The following CLOCK variants were observed in gnomAD, a reference collection of about 807,000 sequenced individuals.
CLOCK encodes the protein clock circadian regulator, also known as circadian locomoter output cycles protein kaput.
Under a neutral mutation model 118.4 loss-of-function variants are expected in CLOCK, and 43 were observed. The observed-to-expected ratio is 0.36, with a 90% CI of 0.28 to 0.47. The LOEUF (loss-of-function observed/expected upper bound fraction) is 0.47, where lower values mean the gene tolerates loss of function less well. CLOCK is among the 20% of genes least tolerant of loss of function. The probability of loss-of-function intolerance (pLI) is 1.00; values close to 1 mark genes in which losing one functional copy is unlikely to be tolerated. For missense variants in CLOCK, 846 were observed against 999.9 expected, an observed-to-expected ratio of 0.85 and a Z score of 2.08; for synonymous variants, 326 against 339.2, an observed-to-expected ratio of 0.96 and a Z score of 0.43.
chr4:55,471,390 CA>C (rs938372367), intron 7 of CLOCK, among the ~76,000 whole-genome samples: 2 of 152,002 alleles, frequency 1.3e-5, no homozygotes, highest in Admixed American at 1.3e-4. Context: ...GATTTTAGGG[CA>C]GGGGGCTGTG....
intron 1 of CLOCK, among the ~76,000 whole-genome samples, chr4:55,538,988 T>C (rs527429294): frequency 2.0e-5 from 3 of 152,176 alleles, no homozygotes; most frequent in Non-Finnish European, 4.4e-5. Flanking sequence ...TCCTAGCACT[T>C]TGGGAGGCCA....
Position 55,430,961 on chromosome 4 carries a change from A to AC in CLOCK, c.*4453dup, listed in dbSNP as rs1328600886. 1 of 152,160 alleles carries AC rather than the reference A, an allele frequency of 6.6e-6. No homozygotes were observed. Among genetic ancestry groups the AC allele is most frequent in the African/African-American group, 2.4e-5 (1 of 41,422 alleles). 9.4% of individuals were successfully genotyped at this position (152,160 alleles called of 1,614,324 possible). On this transcript the variant is annotated 3_prime_UTR_variant, in exon 23 of 23. Coordinates refer to ENST00000513440, the MANE Select transcript of CLOCK (RefSeq NM_004898.4). ...GGCTATCTTGAAATCACTCCCATAA[A>AC]CCAACTACGGTTCACTGGACCTAAA...
intron 1 of CLOCK, among the ~76,000 whole-genome samples, chr4:55,518,748 AT>A (rs1729674552): frequency 6.6e-6 from 1 of 152,184 alleles, no homozygotes; most frequent in Non-Finnish European, 1.5e-5. Context: ...TAGCACCTTG[AT>A]TTTGGACTTC....
At chr4:55,525,943 T>C (rs183865227) in intron 1 of CLOCK, among the ~76,000 whole-genome samples, 1 of 151,596 alleles carries the variant, frequency 6.6e-6, no homozygotes, top group African/African-American at 2.4e-5. Context: ...TGTTTAACTA[T>C]AGGTTGAGTA....
intron 15 of CLOCK, among the ~76,000 whole-genome samples, chr4:55,451,262 G>A (rs1724423877): frequency 6.6e-6 from 1 of 152,102 alleles, no homozygotes; most frequent in African/African-American, 2.4e-5. Context: ...TAAAGTTAAT[G>A]CTCAGTTCTC....
chr4:55,477,792 T>C (rs1317330107), intron 6 of CLOCK, among the ~76,000 whole-genome samples: 1 of 151,746 alleles, frequency 6.6e-6, no homozygotes. Flanking sequence ...CTTAGGAATG[T>C]CACATTTAGA....
intron 4 of CLOCK, among the ~76,000 whole-genome samples, chr4:55,480,748 G>A (rs1362865059): frequency 2.6e-5 from 4 of 151,976 alleles, no homozygotes; most frequent in African/African-American, 4.8e-5. Flanking sequence ...AAACTTAGCC[G>A]GGCGTGGTGA....
intron 1 of CLOCK, among the ~76,000 whole-genome samples, chr4:55,541,572 T>C (rs965743342): frequency 9.2e-5 from 14 of 152,260 alleles, no homozygotes; most frequent in African/African-American, 3.4e-4. Flanking sequence ...GAAGTAAAAA[T>C]GTGTGGAAGA....
intron 16 of CLOCK, 114 bp from the exon 17 acceptor site, chr4:55,449,610 C>T: frequency 1.1e-6 from 1 of 893,468 alleles, no homozygotes; most frequent in African/African-American, 1.7e-5. Flanking sequence ...TTTTTCCAAA[C>T]CATTCAATGA....
At chr4:55,484,048 C>A (rs1231480297) in intron 3 of CLOCK, among the ~76,000 whole-genome samples, 1 of 152,150 alleles carries the variant, frequency 6.6e-6, no homozygotes, top group Non-Finnish European at 1.5e-5. Flanking sequence ...AAAGATATTA[C>A]AAGAACGTGA....
At chr4:55,518,232 C>G (rs1043035381) in intron 1 of CLOCK, among the ~76,000 whole-genome samples, 1 of 151,948 alleles carries the variant, frequency 6.6e-6, no homozygotes, top group Non-Finnish European at 1.5e-5. Flanking sequence ...GATAAGGAGA[C>G]AAAGCAAACG....
At chr4:55,492,609 C>T (rs1349496171) in intron 2 of CLOCK, among the ~76,000 whole-genome samples, 2 of 152,058 alleles carry the variant, frequency 1.3e-5, no homozygotes, top group African/African-American at 4.8e-5. Flanking sequence ...CTTTGGGAGG[C>T]TAAGGTGGGT....
chr4:55,524,094 AAT>A (rs1285436139), intron 1 of CLOCK, among the ~76,000 whole-genome samples: 1 of 152,094 alleles, frequency 6.6e-6, no homozygotes, highest in African/African-American at 2.4e-5. Context: ...CTCATCAGAA[AAT>A]ATTCATACCC....
intron 12 of CLOCK, 83 bp from the exon 13 acceptor site, chr4:55,456,086 G>C: frequency 8.4e-7 from 1 of 1,191,748 alleles, no homozygotes; most frequent in African/African-American, 1.5e-5. Context: ...TTGGGGGGGG[G>C]GCTTTATTTT....
chr4:55,443,396 A>T (rs549394883), intron 20 of CLOCK, among the ~76,000 whole-genome samples: 1 of 150,928 alleles, frequency 6.6e-6, no homozygotes, highest in East Asian at 1.9e-4. Flanking sequence ...AATCGCTTCA[A>T]CCCAGGAGGC....
At position 55,453,754 on chromosome 4, in the gene CLOCK, A is replaced by C. The variant is rs781732724; in HGVS notation, c.1053T>G (p.Leu351=). Residue 351 remains leucine, a synonymous_variant, in exon 14 of 23, where the codon CTT becomes CTG. Coordinates refer to ENST00000513440, the MANE Select transcript of CLOCK (RefSeq NM_004898.4). ...FLTKGQQWIW[L]QTHYYITYHQ... ...GGTAAGTGATATAATAATGAGTCTGAAGCCAAATCCACTGTTGCCCCTTAG... is the reference window on the plus strand; with the variant it reads ...GGTAAGTGATATAATAATGAGTCTGCAGCCAAATCCACTGTTGCCCCTTAG... The C allele has an allele frequency of 3.1e-6, 5 of 1,610,726 alleles. No homozygotes were observed. In the African/African-American group the frequency reaches 5.3e-5, roughly 17 times the overall value.
intron 5 of CLOCK, 50 bp from the exon 6 acceptor site, chr4:55,479,013 A>G (rs766807880): frequency 4.2e-6 from 6 of 1,417,020 alleles, no homozygotes; most frequent in Non-Finnish European, 5.8e-6. Context: ...TTAATTACAC[A>G]AGTAGTTTAA....
At position 55,432,060 on chromosome 4, in the gene CLOCK, CTTG is replaced by C. The variant is rs1290158799; in HGVS notation, c.*3352_*3354del. On this transcript the variant is annotated 3_prime_UTR_variant, in exon 23 of 23. Transcript: ENST00000513440. ...ACAAACTATTCCAAATCACTGGCATCTTGTTATTACTATTCCATTCCTAAGCCA... is the reference window on the plus strand; with the variant it reads ...ACAAACTATTCCAAATCACTGGCATCTTATTACTATTCCATTCCTAAGCCA... 2 of 152,196 alleles carry C rather than the reference CTTG, an allele frequency of 1.3e-5. No homozygotes were observed. Among genetic ancestry groups the C allele is most frequent in the Non-Finnish European group, 2.9e-5 (2 of 68,024 alleles). The allele number at this position is 152,196 out of a possible 1,614,324, so 9.4% of individuals were successfully genotyped here.
intron 5 of CLOCK, 113 bp from the exon 6 acceptor site, chr4:55,479,076 T>C: frequency 1.1e-6 from 1 of 870,644 alleles, no homozygotes; most frequent in South Asian, 1.9e-5. Flanking sequence ...ACATAGATGG[T>C]AACAAATATC....
Sources: gnomAD v4.1 joint callset for allele counts (sites outside exome capture counted in the v4.1 genomes callset) on GRCh38, gnomAD v4.1.1 for gene constraint, MANE v1.5 for transcripts, NCBI Gene and HGNC (gene_info 2026-07-23, HGNC 2026-07-21) for gene names.